Variants in DLG2 observed in about 807,000 individuals in gnomAD.
The protein encoded by DLG2 is disks large homolog 2.
A neutral mutation model predicts 132.5 loss-of-function variants in DLG2; 45 were observed. The ratio of observed to expected loss-of-function variants is 0.34; its 90% CI spans 0.27 to 0.44. DLG2 has a LOEUF of 0.44. Ranked by LOEUF, DLG2 falls within the 20% of genes least tolerant of loss-of-function variation. The pLI is 1.00. For synonymous variants in DLG2, 424 were observed against 419.6 expected, an observed-to-expected ratio of 1.01 and a Z score of -0.13; for missense variants, 1,045 against 1,196.9, an observed-to-expected ratio of 0.87 and a Z score of 1.87.
chr11:84,411,541 A>G (rs775767029), intron 7 of DLG2, among the ~76,000 whole-genome samples: 7 of 151,210 alleles, frequency 4.6e-5, no homozygotes, highest in Non-Finnish European at 1.0e-4. Flanking sequence ...ATTTAAGACT[A>G]TTTAGAAGAC....
chr11:85,389,810 C>A (rs896491606), intron 3 of DLG2, among the ~76,000 whole-genome samples: 1 of 152,080 alleles, frequency 6.6e-6, no homozygotes, highest in Non-Finnish European at 1.5e-5. Flanking sequence ...CGAACAAATG[C>A]TGAGAGAATT....
intron 7 of DLG2, among the ~76,000 whole-genome samples, chr11:84,289,165 T>C (rs1462676486): frequency 6.6e-6 from 1 of 152,118 alleles, no homozygotes; most frequent in Non-Finnish European, 1.5e-5. Context: ...TATATCTAAT[T>C]AAAAAGTTAA....
intron 6 of DLG2, among the ~76,000 whole-genome samples, chr11:84,584,751 G>T (rs973922615): frequency 1.4e-5 from 2 of 142,726 alleles, no homozygotes; most frequent in Non-Finnish European, 3.0e-5. Flanking sequence ...TGCAGTGGCG[G>T]GATCTGGGCT....
At chr11:85,434,406 TA>T (rs1020436408) in intron 3 of DLG2, among the ~76,000 whole-genome samples, 2 of 149,852 alleles carry the variant, frequency 1.3e-5, no homozygotes, top group Middle Eastern at 3.4e-3. Context: ...GAAAAAATTT[TA>T]AAAAAAAAAT....
chr11:85,581,727 G>C (rs1473527010), intron 3 of DLG2, among the ~76,000 whole-genome samples: 1 of 152,172 alleles, frequency 6.6e-6, no homozygotes, highest in Non-Finnish European at 1.5e-5. Context: ...ACAGATAAGA[G>C]GAGAGACCAT....
intron 7 of DLG2, among the ~76,000 whole-genome samples, chr11:84,363,429 G>C (rs1448468080): frequency 6.6e-6 from 1 of 152,000 alleles, no homozygotes; most frequent in Non-Finnish European, 1.5e-5. Flanking sequence ...CAGATGAGTA[G>C]GTTGTGAAAA....
chr11:84,829,381 C>T (rs1943691), intron 6 of DLG2, among the ~76,000 whole-genome samples: 67,973 of 151,366 alleles, frequency 0.45, 16,435 homozygotes, highest in Middle Eastern at 0.55. Context: ...AGCCTGGATA[C>T]CAGAATAATG....
At chr11:83,895,149 T>C (rs1298459889) in intron 15 of DLG2, among the ~76,000 whole-genome samples, 2 of 145,274 alleles carry the variant, frequency 1.4e-5, no homozygotes, top group African/African-American at 5.1e-5. Context: ...TACTGTCTTT[T>C]TTTTTTTTTT....
intron 3 of DLG2, among the ~76,000 whole-genome samples, chr11:85,450,860 A>C (rs1300671833): frequency 6.6e-6 from 1 of 151,744 alleles, no homozygotes; most frequent in Non-Finnish European, 1.5e-5. Context: ...CCTCCTACCC[A>C]TGTAGCTTTT....
At chr11:84,464,223 G>C (rs563887219) in intron 7 of DLG2, among the ~76,000 whole-genome samples, 2 of 151,170 alleles carry the variant, frequency 1.3e-5, no homozygotes, top group African/African-American at 4.8e-5. Context: ...TTGCATATTG[G>C]CATCAGGTAC....
chr11:83,542,015 C>T (rs543874654), intron 19 of DLG2, among the ~76,000 whole-genome samples, 157 bp from the exon 20 acceptor site: 61 of 152,244 alleles, frequency 4.0e-4, no homozygotes, highest in Non-Finnish European at 6.9e-4. Context: ...ACTCTCACTG[C>T]TTTGGCAACA....
chr11:83,685,628 G>A (rs1453340560), intron 18 of DLG2, among the ~76,000 whole-genome samples: 1 of 151,502 alleles, frequency 6.6e-6, no homozygotes, highest in Non-Finnish European at 1.5e-5. Flanking sequence ...TTTTATACTC[G>A]CTCCCAAGGC....
chr11:83,985,071 G>A (rs2093150383), intron 11 of DLG2, among the ~76,000 whole-genome samples: 1 of 152,016 alleles, frequency 6.6e-6, no homozygotes, highest in African/African-American at 2.4e-5. Context: ...GCAATTTTTG[G>A]ATAGCTATTC....
intron 5 of DLG2, among the ~76,000 whole-genome samples, chr11:85,136,163 G>T (rs1365681756): frequency 6.6e-6 from 1 of 152,222 alleles, no homozygotes; most frequent in Non-Finnish European, 1.5e-5. Flanking sequence ...AACTGAATAT[G>T]CAATCTTTAT....
intron 7 of DLG2, among the ~76,000 whole-genome samples, chr11:84,307,681 G>A (rs1221342989): frequency 3.4e-5 from 4 of 116,874 alleles, no homozygotes; most frequent in Non-Finnish European, 7.1e-5. Context: ...GGGTGAAAGA[G>A]CGAGACGCAG....
At chr11:85,449,556 CTTTA>C (rs2153041001) in intron 3 of DLG2, among the ~76,000 whole-genome samples, 1 of 152,000 alleles carries the variant, frequency 6.6e-6, no homozygotes, top group South Asian at 2.1e-4. Context: ...AGAGTACATG[CTTTA>C]TTTAAACATT....
At chr11:84,551,267 T>G (rs555681623) in intron 6 of DLG2, among the ~76,000 whole-genome samples, 11 of 152,342 alleles carry the variant, frequency 7.2e-5, no homozygotes, top group African/African-American at 2.6e-4. Flanking sequence ...AATACAATAG[T>G]GTCTAATAAA....
At chr11:85,022,794 C>T (rs1448191146) in intron 6 of DLG2, among the ~76,000 whole-genome samples, 5 of 152,038 alleles carry the variant, frequency 3.3e-5, no homozygotes, top group Admixed American at 1.3e-4. Flanking sequence ...CCAATCAATA[C>T]TTTAATCCAT....
intron 17 of DLG2, among the ~76,000 whole-genome samples, chr11:83,832,000 T>A (rs1384421995): frequency 6.6e-6 from 1 of 152,024 alleles, no homozygotes; most frequent in East Asian, 1.9e-4. Flanking sequence ...ATATGGTAGG[T>A]GTAATGGGCA....
Sources: allele counts gnomAD v4.1 joint callset (sites outside exome capture counted in the v4.1 genomes callset), GRCh38; gene constraint gnomAD v4.1.1; transcripts MANE v1.5; gene names NCBI Gene and HGNC (gene_info 2026-07-23, HGNC 2026-07-21).